The following ILDR2 variants were observed in gnomAD, a reference collection of about 807,000 sequenced individuals.
ILDR2 encodes immunoglobulin-like domain-containing receptor 2.
Under a neutral mutation model 66.8 loss-of-function variants are expected in ILDR2, and 25 were observed. That is an observed-to-expected ratio of 0.37 (90% confidence interval 0.27 to 0.52). The LOEUF (loss-of-function observed/expected upper bound fraction) is 0.52. ILDR2 is among the 20% of genes least tolerant of loss of function. The probability of loss-of-function intolerance (pLI) is 0.88; values close to 1 mark genes in which losing one functional copy is unlikely to be tolerated. For missense variants in ILDR2, 827 were observed against 876.8 expected (o/e 0.94, Z 0.72); for synonymous variants, 367 against 357.2 (o/e 1.03, Z -0.31).
At chr1:166,907,681 C>A (rs1659373406), downstream of ILDR2, among the ~76,000 whole-genome samples, 1 of 151,822 alleles carries the variant, frequency 6.6e-6, no homozygotes, top group Non-Finnish European at 1.5e-5. Context: ...TGCTTGGAAG[C>A]AATTAAGTTT....
At chr1:166,965,570 G>GTTTTTTTTTTTTTTTTTTTTT in intron 1 of ILDR2, among the ~76,000 whole-genome samples, 1 of 127,404 alleles carries the variant, frequency 7.8e-6, no homozygotes, top group Non-Finnish European at 1.6e-5. Context: ...GTTAGGTTTT[G>GTTTTTTTTTTTTTTTTTTTTT]TTTTTTTTTT....
Position 166,921,408 on chromosome 1 carries a change from G to GGA in ILDR2, c.1212-30_1212-29insTC. On this transcript the variant is annotated intron_variant, in intron 8 of 9. Coordinates refer to ENST00000271417, the MANE Select transcript of ILDR2 (RefSeq NM_199351.3). This position sits in a 1 kb window ranked among gnomAD's most constrained non-coding sequence, Gnocchi z 5.3. ...CGGGCAGAGAAGGAGGGGGTCAGAC[G>GGA]GCCGGTCCCTCCCTGGAGCTCCAGG... 1 of 1,515,284 alleles carries GGA rather than the reference G, an allele frequency of 6.6e-7. No individual in the cohort carries two copies. The highest frequency in any genetic ancestry group is 8.9e-7 in the Non-Finnish European group (1 of 1,127,906). The allele number at this position is 1,515,284 out of a possible 1,614,324, so 93.9% of individuals were successfully genotyped here. A position where few individuals can be genotyped will look rare whatever the true frequency, so the allele number is the denominator to read the frequency against.
chr1:166,972,018 C>T (rs906128790), intron 1 of ILDR2, among the ~76,000 whole-genome samples: 6 of 152,038 alleles, frequency 3.9e-5, no homozygotes, highest in Non-Finnish European at 5.9e-5. Flanking sequence ...TTGAGACCCA[C>T]GTAGCCAACA....
intron 3 of ILDR2, among the ~76,000 whole-genome samples, chr1:166,942,922 T>A (rs770008603): frequency 2.6e-5 from 4 of 152,208 alleles, no homozygotes; most frequent in Non-Finnish European, 5.9e-5. Flanking sequence ...AAAGGGTGTA[T>A]CAGACATATG....
At chr1:166,919,964 T>C (rs566565352) in intron 9 of ILDR2, among the ~76,000 whole-genome samples, 1 of 152,258 alleles carries the variant, frequency 6.6e-6, no homozygotes, top group East Asian at 1.9e-4. Flanking sequence ...AGGCCCTTGG[T>C]ACCCCACAGC....
chr1:166,953,141 T>C (rs1662083754), intron 3 of ILDR2, among the ~76,000 whole-genome samples: 1 of 152,174 alleles, frequency 6.6e-6, no homozygotes. Context: ...TGTGTCTTGA[T>C]AAAGTAACTA....
intron 2 of ILDR2, among the ~76,000 whole-genome samples, chr1:166,896,727 C>A (rs1194262240): frequency 1.3e-5 from 2 of 151,636 alleles, no homozygotes; most frequent in Non-Finnish European, 1.5e-5. Flanking sequence ...CCTCCGCCTC[C>A]CAGGTTCAAG....
Position 166,921,052 on chromosome 1 carries a change from CAGCCGCGGCAGG to C in ILDR2, c.1527_1538del (p.His509_Leu513delinsGln). On this transcript the variant is annotated inframe_deletion, in exon 9 of 10. Transcript: ENST00000271417. This position sits in a 1 kb window ranked among gnomAD's most constrained non-coding sequence, Gnocchi z 5.3. The stretch of plus-strand genomic sequence containing the variant: ...GTGCGGTGCCTGGCGTGCGGCTCAC[CAGCCGCGGCAGG>C]TGCGCGTCCTCGGCGGGTCTGCGGC... 6.7e-7 allele frequency: 1 copy of C among 1,496,650 alleles called. No homozygotes were observed. The allele number at this position is 1,496,650 out of a possible 1,614,324, so 92.7% of individuals were successfully genotyped here. A position where few individuals can be genotyped will look rare whatever the true frequency, so the allele number is the denominator to read the frequency against.
chr1:166,960,342 T>C (rs34653241), intron 1 of ILDR2, among the ~76,000 whole-genome samples: 3,120 of 152,302 alleles, frequency 0.02, 47 homozygotes, highest in Middle Eastern at 0.037. Flanking sequence ...TTTCTAGGAC[T>C]TTGCAGATGA....
Position 166,921,350 on chromosome 1 carries a change from G to T in ILDR2, c.1241C>A (p.Ser414Ter). The change falls in exon 9 of 10, where the codon TCG becomes TAG. Residue 414 changes from serine (S) to a stop codon, truncating the protein, a stop_gained. Coordinates refer to ENST00000271417, the MANE Select transcript of ILDR2 (RefSeq NM_199351.3). LOFTEE classifies it high-confidence loss of function. The surrounding 1 kb of genome is among the most constrained non-coding windows in gnomAD (Gnocchi z 5.3). The part of the protein sequence containing the change: ...SQPRSKSEML[S>*]RKNFATGVPA... ...CACCCCCGTGGCGAAGTTCTTCCGCGACAGCATCTCCGACTTGGAGCGCGG... is the reference window on the plus strand; with the variant it reads ...CACCCCCGTGGCGAAGTTCTTCCGCTACAGCATCTCCGACTTGGAGCGCGG... The T allele has an allele frequency of 6.3e-7, 1 of 1,579,662 alleles. No individual in the cohort carries two copies. The highest frequency in any genetic ancestry group is 8.6e-7 in the Non-Finnish European group (1 of 1,158,818).
chr1:166,947,658 A>G (rs1212445217), intron 3 of ILDR2, among the ~76,000 whole-genome samples: 3 of 151,838 alleles, frequency 2.0e-5, no homozygotes, highest in Non-Finnish European at 4.4e-5. Flanking sequence ...GCCTGCCCCC[A>G]GCCCCCGTTT....
At chr1:166,901,172 C>G (rs577677335) in intron 2 of ILDR2, among the ~76,000 whole-genome samples, 7 of 152,182 alleles carry the variant, frequency 4.6e-5, no homozygotes, top group Non-Finnish European at 1.0e-4. Context: ...ATATCTAACA[C>G]AAACTAATTG....
chr1:166,928,645 C>T lies in ILDR2; in HGVS notation c.881-1465G>A, dbSNP rs116133519. ...GTGTCTGGCCATGTTACCCTGGCTGCGGACAAAACCCTCCCACGCAAGCTA... is the reference window on the plus strand; with the variant it reads ...GTGTCTGGCCATGTTACCCTGGCTGTGGACAAAACCCTCCCACGCAAGCTA... On this transcript the variant is annotated intron_variant, in intron 6 of 9. Coordinates refer to ENST00000271417, the MANE Select transcript of ILDR2 (RefSeq NM_199351.3). 3.5e-3 allele frequency among the ~76,000 whole-genome samples: 528 copies of T among 152,224 alleles called. 3 individuals are homozygous for T. The highest frequency in any genetic ancestry group is 5.2e-3 in the Non-Finnish European group (357 of 68,006).
chr1:166,935,566 G>A, intron 5 of ILDR2, 89 bp from the exon 6 acceptor site: 1 of 1,223,504 alleles, frequency 8.2e-7, no homozygotes, highest in Non-Finnish European at 1.1e-6. Context: ...GCACTTCAGG[G>A]AGCTCCTGGA....
At chr1:166,898,685 T>C (rs190499560) in intron 2 of ILDR2, among the ~76,000 whole-genome samples, 1 of 152,370 alleles carries the variant, frequency 6.6e-6, no homozygotes, top group East Asian at 1.9e-4. Context: ...GATCATTTAC[T>C]TTTCTTAATG....
chr1:166,938,775 C>T (rs1661134079), intron 4 of ILDR2, among the ~76,000 whole-genome samples: 1 of 152,200 alleles, frequency 6.6e-6, no homozygotes, highest in African/African-American at 2.4e-5. Context: ...CATCCCTTTT[C>T]CTACTGTTTG....
chr1:166,935,662 C>T (rs1660927912), intron 5 of ILDR2, among the ~76,000 whole-genome samples, 185 bp from the exon 6 acceptor site: 1 of 152,156 alleles, frequency 6.6e-6, no homozygotes, highest in African/African-American at 2.4e-5. Flanking sequence ...CTCGGACTCT[C>T]CAGCTCCACC....
chr1:166,955,876 T>C (rs1662251387), intron 3 of ILDR2, among the ~76,000 whole-genome samples: 1 of 152,198 alleles, frequency 6.6e-6, no homozygotes, highest in South Asian at 2.1e-4. Flanking sequence ...TTGGAAGCTA[T>C]AAAAATGTAA....
chr1:166,955,454 CAAAAACTT>C (rs1427258622), intron 3 of ILDR2, among the ~76,000 whole-genome samples: 2 of 151,970 alleles, frequency 1.3e-5, no homozygotes, highest in African/African-American at 4.8e-5. Context: ...CTAAAAAATA[CAAAAACTT>C]ATCAGGGCAT....
Sources: gnomAD v4.1 joint callset for allele counts (sites outside exome capture counted in the v4.1 genomes callset) on GRCh38, gnomAD v4.1.1 for gene constraint, Gnocchi (gnomAD v3.1) non-coding constraint, MANE v1.5 for transcripts, NCBI Gene and HGNC (gene_info 2026-07-23, HGNC 2026-07-21) for gene names.